SRRM4: variants seen among roughly 807,000 people sequenced by gnomAD.
SRRM4 encodes serine/arginine repetitive matrix 4.
In SRRM4, 33 loss-of-function variants were observed where a neutral mutation model predicts 68.9. That is an observed-to-expected ratio of 0.48 (90% CI 0.36 to 0.64). The LOEUF (loss-of-function observed/expected upper bound fraction) is 0.64. Ranked by LOEUF, SRRM4 falls within the 30% of genes least tolerant of loss-of-function variation. The pLI, the probability that SRRM4 is intolerant of heterozygous loss-of-function variation, is 0.00. For missense variants in SRRM4, 817 were observed against 827.1 expected (o/e 0.99, Z 0.15); for synonymous variants, 318 against 318.8 (o/e 1.00, Z 0.03).
Position 119,156,833 on chromosome 12 carries a change from C to T in SRRM4, c.*35C>T, listed in dbSNP as rs1954476943. 2 of 1,485,458 alleles carry T rather than the reference C, an allele frequency of 1.3e-6. No individual in the cohort carries two copies. Among genetic ancestry groups the T allele is most frequent in the Non-Finnish European group, 1.8e-6 (2 of 1,120,706 alleles). 92.0% of individuals were successfully genotyped at this position (1,485,458 alleles called of 1,614,324 possible). On this transcript the variant is annotated 3_prime_UTR_variant, in exon 13 of 13. Transcript: ENST00000267260. ...AGCCAGCTGCCCGTGGGGGCCCCTT[C>T]GCGCTGCCAGCCTCCCCCAACCACC...
intron 5 of SRRM4, 78 bp from the exon 6 acceptor site, chr12:119,121,992 G>T: frequency 1.1e-6 from 1 of 920,026 alleles, no homozygotes; most frequent in South Asian, 1.3e-5. Context: ...CTCACACTGT[G>T]TGTTAAGCAT....
chr12:119,090,127 G>A (rs899713335), intron 1 of SRRM4, among the ~76,000 whole-genome samples: 11 of 152,064 alleles, frequency 7.2e-5, no homozygotes, highest in Admixed American at 2.0e-4. Context: ...AGGCAGACTC[G>A]AGCTGAAATG....
chr12:119,134,579 C>A (rs766050229), intron 8 of SRRM4, among the ~76,000 whole-genome samples: 24 of 152,232 alleles, frequency 1.6e-4, no homozygotes, highest in South Asian at 1.0e-3. Context: ...GGTAAATAGG[C>A]CCTGTCATTA....
At chr12:119,081,722 T>C (rs953111769) in intron 1 of SRRM4, among the ~76,000 whole-genome samples, 6 of 152,186 alleles carry the variant, frequency 3.9e-5, no homozygotes, top group African/African-American at 1.4e-4. Flanking sequence ...ATAATGCAGG[T>C]GCAAGATGAT....
At chr12:119,110,936 A>T (rs1258706996) in intron 2 of SRRM4, among the ~76,000 whole-genome samples, 1 of 152,196 alleles carries the variant, frequency 6.6e-6, no homozygotes. Context: ...AGCTCTTCCT[A>T]TTCGGCCACC....
chr12:119,042,825 G>C (rs1953678081), intron 1 of SRRM4, among the ~76,000 whole-genome samples: 1 of 152,032 alleles, frequency 6.6e-6, no homozygotes, highest in Non-Finnish European at 1.5e-5. Flanking sequence ...GTGACTATGA[G>C]AGGCATGAAA....
intron 1 of SRRM4, among the ~76,000 whole-genome samples, chr12:119,053,220 A>G (rs1437810489): frequency 1.3e-5 from 2 of 152,130 alleles, no homozygotes; most frequent in African/African-American, 2.4e-5. Context: ...TCTTGTTTTC[A>G]TTTGTATCTA....
chr12:119,078,411 T>C (rs1953929028), intron 1 of SRRM4, among the ~76,000 whole-genome samples: 1 of 152,174 alleles, frequency 6.6e-6, no homozygotes, highest in African/African-American at 2.4e-5. Flanking sequence ...ACTGGACAAC[T>C]GAATCAATGG....
At chr12:119,120,787 AT>A (rs1954214628) in intron 5 of SRRM4, among the ~76,000 whole-genome samples, 1 of 152,202 alleles carries the variant, frequency 6.6e-6, no homozygotes, top group Admixed American at 6.5e-5. Flanking sequence ...GGATATGTTT[AT>A]TGTTCCCATT....
At chr12:118,986,291 C>T (rs992967191) in intron 1 of SRRM4, among the ~76,000 whole-genome samples, 20 of 152,042 alleles carry the variant, frequency 1.3e-4, no homozygotes, top group African/African-American at 3.6e-4. Flanking sequence ...CTTGCCCTGG[C>T]GGTGAATGAG....
chr12:118,997,677 T>C (rs1045536135), intron 1 of SRRM4, among the ~76,000 whole-genome samples: 14 of 152,192 alleles, frequency 9.2e-5, no homozygotes, highest in African/African-American at 3.1e-4. Context: ...GTAGAACCCA[T>C]GGCCTGCTTA....
chr12:119,127,241 G>A (rs1954267287), intron 7 of SRRM4, among the ~76,000 whole-genome samples: 1 of 151,896 alleles, frequency 6.6e-6, no homozygotes, highest in African/African-American at 2.4e-5. Context: ...AAAGAACTGG[G>A]GCTTTATTGG....
intron 1 of SRRM4, among the ~76,000 whole-genome samples, chr12:119,086,696 A>G (rs1226960093): frequency 2.6e-5 from 4 of 152,180 alleles, no homozygotes; most frequent in Non-Finnish European, 5.9e-5. Flanking sequence ...TGTGTTTCTT[A>G]TCTGTATCAG....
intron 1 of SRRM4, among the ~76,000 whole-genome samples, chr12:119,018,296 T>C (rs1953493960): frequency 6.6e-6 from 1 of 152,204 alleles, no homozygotes; most frequent in Admixed American, 6.5e-5. Context: ...GGAAAGTCCT[T>C]GGGCATGCAC....
chr12:119,107,903 T>C (rs948506005), intron 2 of SRRM4, among the ~76,000 whole-genome samples: 1 of 152,226 alleles, frequency 6.6e-6, no homozygotes, highest in African/African-American at 2.4e-5. Context: ...TTAATTGTGA[T>C]GTTAGGGTGT....
At chr12:118,995,888 C>T (rs1953346401) in intron 1 of SRRM4, among the ~76,000 whole-genome samples, 1 of 152,180 alleles carries the variant, frequency 6.6e-6, no homozygotes, top group Non-Finnish European at 1.5e-5. Context: ...CCTTTATCCA[C>T]CTGTCAGTCA....
At chr12:119,025,540 G>T (rs1291475913) in intron 1 of SRRM4, among the ~76,000 whole-genome samples, 1 of 152,256 alleles carries the variant, frequency 6.6e-6, no homozygotes, top group Admixed American at 6.5e-5. Context: ...TGCCTCCCGG[G>T]TTCAAGTGAT....
intron 8 of SRRM4, among the ~76,000 whole-genome samples, chr12:119,131,458 T>G (rs995210876): frequency 5.3e-5 from 8 of 152,142 alleles, no homozygotes; most frequent in Non-Finnish European, 7.3e-5. Context: ...TCAGAGAGGT[T>G]AAGGGCTGGG....
intron 1 of SRRM4, among the ~76,000 whole-genome samples, chr12:119,059,700 C>G (rs903250842): frequency 2.0e-5 from 3 of 152,206 alleles, no homozygotes; most frequent in Non-Finnish European, 4.4e-5. Context: ...GTGGGAGCCA[C>G]AGAAGGTTTT....
Sources: allele counts gnomAD v4.1 joint callset (sites outside exome capture counted in the v4.1 genomes callset), GRCh38; gene constraint gnomAD v4.1.1; transcripts MANE v1.5; gene names NCBI Gene and HGNC (gene_info 2026-07-23, HGNC 2026-07-21).